The following FAM177A1 variants were observed in gnomAD, a reference collection of about 807,000 sequenced individuals.
FAM177A1 encodes family with sequence similarity 177 member A1, also known as protein FAM177A1.
In FAM177A1, 22 loss-of-function variants were observed where a neutral mutation model predicts 26.1. The observed-to-expected ratio is 0.84, with a 90% CI of 0.60 to 1.20. The LOEUF is 1.20. Ranked by LOEUF, FAM177A1 falls within the 50% of genes most tolerant of loss-of-function variation. The pLI, the probability that FAM177A1 is intolerant of heterozygous loss-of-function variation, is 0.00. For missense variants in FAM177A1, 296 were observed against 291.1 expected (o/e 1.02, Z -0.12); for synonymous variants, 95 against 99.3 (o/e 0.96, Z 0.26).
At chr14:35,062,888 T>G (rs1595046241) in intron 2 of FAM177A1, among the ~76,000 whole-genome samples, 1 of 150,356 alleles carries the variant, frequency 6.7e-6, no homozygotes, top group East Asian at 1.9e-4. Context: ...CGGTTTTTTT[T>G]TTTTTTTTAC....
chr14:35,068,121 CCCT>C (rs1455739865), intron 2 of FAM177A1, among the ~76,000 whole-genome samples: 1 of 152,080 alleles, frequency 6.6e-6, no homozygotes, highest in Non-Finnish European at 1.5e-5. Context: ...ATGTAGTTTT[CCCT>C]TATGTTTTCT....
At chr14:35,066,877 T>G (rs2045248812) in intron 2 of FAM177A1, among the ~76,000 whole-genome samples, 1 of 151,612 alleles carries the variant, frequency 6.6e-6, no homozygotes, top group African/African-American at 2.4e-5. Flanking sequence ...CACCGCAACC[T>G]CTGCCTCCTG....
intron 1 of FAM177A1, chr14:35,050,070 G>A (rs527852495): frequency 3.3e-5 from 5 of 152,314 alleles, no homozygotes; most frequent in East Asian, 1.9e-4. Flanking sequence ...TTCATGGCGC[G>A]ATCTCGGCTC....
intron 2 of FAM177A1, among the ~76,000 whole-genome samples, chr14:35,064,072 C>T (rs1041916200): frequency 4.0e-5 from 6 of 149,728 alleles, no homozygotes; most frequent in South Asian, 2.1e-4. Flanking sequence ...AAAAAAAATC[C>T]CTTTTGGTAC....
chr14:35,059,334 G>C (rs1485423833), intron 2 of FAM177A1, among the ~76,000 whole-genome samples: 2 of 151,868 alleles, frequency 1.3e-5, no homozygotes, highest in Non-Finnish European at 2.9e-5. Flanking sequence ...CATATAGTTG[G>C]ATCTTGTTTT....
At chr14:35,046,004 C>G (rs921699376), upstream of FAM177A1, 1 of 153,616 alleles carries the variant, frequency 6.5e-6, no homozygotes, top group African/African-American at 2.4e-5. Context: ...CATCCCATCA[C>G]TAGCCTTTGA....
At position 35,046,431 on chromosome 14, in the gene FAM177A1, G is replaced by A; in HGVS notation, c.-33G>A. The A allele has an allele frequency of 6.6e-7, 1 of 1,510,700 alleles. No individual in the cohort carries two copies. The allele number at this position is 1,510,700 out of a possible 1,614,324, so 93.6% of individuals were successfully genotyped here. On this transcript the variant is annotated 5_prime_UTR_variant, in exon 1 of 5. Coordinates refer to ENST00000280987, the MANE Select transcript of FAM177A1 (RefSeq NM_173607.5). ...GGTGAGTCCCACTTCCCGACAGCCT[G>A]GCTCGGCCAGCGACTGGGCGGGGAG... is the stretch of plus-strand genomic sequence containing the variant.
upstream of FAM177A1, among the ~76,000 whole-genome samples, chr14:35,045,803 C>G (rs1007943483): frequency 6.6e-6 from 1 of 152,226 alleles, no homozygotes; most frequent in African/African-American, 2.4e-5. Context: ...TGGAAGCTTA[C>G]TACTGCCCTT....
chr14:35,053,406 A>T lies in FAM177A1; in HGVS notation c.294A>T (p.Glu98Asp), dbSNP rs763513444. 4 of 1,613,982 alleles carry T rather than the reference A, an allele frequency of 2.5e-6. No individual in the cohort carries two copies. The Admixed American group carries it at 5.0e-5, about 20-fold the overall frequency. Reference protein sequence around the residue: ...TMEEYSTDEDEVDGLEKKDVL... With the variant: ...TMEEYSTDEDDVDGLEKKDVL... ...AAGAATATAGCACAGATGAAGACGA[A>T]GTTGATGGCCTGGAGAAGAAAGATG... The change falls in exon 2 of 5, where the codon GAA (glutamate) becomes GAT (aspartate). Residue 98 changes from glutamate to aspartate, a missense_variant. By Grantham distance (45) the Glu-to-Asp change is conservative. Coordinates refer to ENST00000280987, the MANE Select transcript of FAM177A1 (RefSeq NM_173607.5).
chr14:35,078,419 TTG>T (rs1485796482), intron 3 of FAM177A1, among the ~76,000 whole-genome samples: 2 of 152,184 alleles, frequency 1.3e-5, no homozygotes, highest in African/African-American at 4.8e-5. Context: ...TGGTGTGATC[TTG>T]TCTCACCGTA....
At chr14:35,048,502 C>T (rs1452355012) in intron 1 of FAM177A1, among the ~76,000 whole-genome samples, 2 of 151,148 alleles carry the variant, frequency 1.3e-5, no homozygotes, top group African/African-American at 2.4e-5. Flanking sequence ...CCAAAGGTAA[C>T]TATTAAGTTT....
intron 2 of FAM177A1, among the ~76,000 whole-genome samples, chr14:35,066,071 A>AT (rs954466596): frequency 5.3e-5 from 8 of 151,470 alleles, no homozygotes; most frequent in Admixed American, 2.0e-4. Context: ...TTTTTTTTAA[A>AT]TTTTTTTCTT....
intron 1 of FAM177A1, chr14:35,046,840 C>T: frequency 1.5e-6 from 2 of 1,355,574 alleles, no homozygotes; most frequent in South Asian, 3.5e-5. Context: ...GCTGGCAGCA[C>T]AGCAGACTCT....
chr14:35,045,511 A>G (rs2044847100), upstream of FAM177A1, among the ~76,000 whole-genome samples: 1 of 152,216 alleles, frequency 6.6e-6, no homozygotes, highest in Non-Finnish European at 1.5e-5. Flanking sequence ...TGAGACTAGT[A>G]TGAAAATGGA....
chr14:35,049,846 A>G (rs1197048254), intron 1 of FAM177A1, among the ~76,000 whole-genome samples: 1 of 152,228 alleles, frequency 6.6e-6, no homozygotes, highest in Non-Finnish European at 1.5e-5. Context: ...GGTTAACTAT[A>G]AAATGGAGTA....
rs549735902 is a variant in FAM177A1, at chr14:35,051,475, C to T, written c.166-1803C>T. On this transcript the variant is annotated intron_variant, in intron 1 of 4. Transcript: ENST00000280987. ...TTGCCCAGGCTTGAGTGCAGTGGTGCGATCTCGGCTCACTGCAACATCCAC... is the reference window on the plus strand; with the variant it reads ...TTGCCCAGGCTTGAGTGCAGTGGTGTGATCTCGGCTCACTGCAACATCCAC... Among the ~76,000 whole-genome samples the T allele has an allele frequency of 8.0e-4, 122 of 152,206 alleles. 1 individual carries two copies. Among genetic ancestry groups the T allele is most frequent in the African/African-American group, 2.8e-3 (118 of 41,542 alleles).
At chr14:35,068,776 T>G (rs1268568742) in intron 2 of FAM177A1, among the ~76,000 whole-genome samples, 1 of 152,212 alleles carries the variant, frequency 6.6e-6, no homozygotes, top group East Asian at 1.9e-4. Context: ...TTCATTGGCT[T>G]ACAGTTGTGG....
In FAM177A1 at chr14:35,063,845, GC is replaced by G. The variant is rs2045197588; in HGVS notation, c.339+10396del. On this transcript the variant is annotated intron_variant, in intron 2 of 4. Transcript: ENST00000280987. ...ACTTGAGGCCAGGAGTTTGAGACCAGCCTGGCCAACATGGTAAAACCCTGAA... is the reference window on the plus strand; with the variant it reads ...ACTTGAGGCCAGGAGTTTGAGACCAGCTGGCCAACATGGTAAAACCCTGAA... Among the ~76,000 whole-genome samples the G allele has an allele frequency of 3.3e-5, 5 of 151,650 alleles. No homozygotes were observed. The South Asian group carries it at 1.0e-3, about 32-fold the overall frequency.
rs570964305 is a variant in FAM177A1 at position 35,067,507 on chromosome 14, T to G, written c.340-9643T>G. On this transcript the variant is annotated intron_variant, in intron 2 of 4. Coordinates refer to ENST00000280987, the MANE Select transcript of FAM177A1 (RefSeq NM_173607.5). Reference sequence around the variant, plus strand: ...ATAAACATGGGAGTGCAGATATCTCTTTGATATACTGATTCCAGTTCCTTT... The same window carrying G: ...ATAAACATGGGAGTGCAGATATCTCGTTGATATACTGATTCCAGTTCCTTT... Among the ~76,000 whole-genome samples, 15 of 152,352 alleles carry G rather than the reference T, an allele frequency of 9.8e-5. No individual in the cohort carries two copies. The South Asian group carries it at 3.1e-3, about 32-fold the overall frequency.
Sources: allele counts gnomAD v4.1 joint callset (sites outside exome capture counted in the v4.1 genomes callset), GRCh38; gene constraint gnomAD v4.1.1; transcripts MANE v1.5; gene names NCBI Gene and HGNC (gene_info 2026-07-23, HGNC 2026-07-21).